DDX60L: variants seen among roughly 807,000 people sequenced by gnomAD.
DDX60L encodes probable ATP-dependent RNA helicase DDX60-like.
DDX60L carries 191 observed loss-of-function variants against 211.6 expected under a neutral mutation model. The observed-to-expected ratio is 0.90, with a 90% CI of 0.80 to 1.02. DDX60L has a LOEUF of 1.02. DDX60L is among the 50% of genes least tolerant of loss of function. The probability of loss-of-function intolerance (pLI) is 0.00; values close to 1 mark genes in which losing one functional copy is unlikely to be tolerated. For synonymous variants in DDX60L, 706 were observed against 694.1 expected (o/e 1.02, Z -0.27); for missense variants, 2,007 against 1,984.1 (o/e 1.01, Z -0.22).
intron 30 of DDX60L, among the ~76,000 whole-genome samples, chr4:168,381,279 C>G (rs991571160): frequency 6.6e-6 from 1 of 152,088 alleles, no homozygotes; most frequent in African/African-American, 2.4e-5. Context: ...GAAAAGTCCT[C>G]ACAGACATTT....
At chr4:168,373,436 G>C (rs1387742142) in intron 35 of DDX60L, among the ~76,000 whole-genome samples, 1 of 152,020 alleles carries the variant, frequency 6.6e-6, no homozygotes, top group Non-Finnish European at 1.5e-5. Context: ...AAAAAAATGA[G>C]AAAAAACAGT....
At chr4:168,404,837 T>C (rs1231594078) in intron 24 of DDX60L, among the ~76,000 whole-genome samples, 2 of 152,228 alleles carry the variant, frequency 1.3e-5, no homozygotes, top group Non-Finnish European at 2.9e-5. Flanking sequence ...GAAATAGTTA[T>C]GGCTATCATG....
chr4:168,443,901 C>T (rs190453274), intron 9 of DDX60L, among the ~76,000 whole-genome samples: 15 of 145,714 alleles, frequency 1.0e-4, no homozygotes, highest in East Asian at 2.0e-4. Context: ...AAGGAACAAC[C>T]GGTACCAGCC....
At chr4:168,466,815 T>C (rs985818187) in intron 4 of DDX60L, among the ~76,000 whole-genome samples, 4 of 152,232 alleles carry the variant, frequency 2.6e-5, no homozygotes, top group African/African-American at 9.6e-5. Context: ...TAAGCTATAG[T>C]TACAATCTGT....
At chr4:168,379,699 G>A in intron 31 of DDX60L, 27 bp downstream of exon 31, 1 of 1,572,712 alleles carries the variant, frequency 6.4e-7, no homozygotes, top group Non-Finnish European at 8.7e-7. Context: ...TAGTTACAGA[G>A]AACAAAAAGC....
intron 30 of DDX60L, among the ~76,000 whole-genome samples, chr4:168,384,249 A>C (rs1365193616): frequency 6.6e-6 from 1 of 152,156 alleles, no homozygotes; most frequent in Non-Finnish European, 1.5e-5. Context: ...GAACCCTAAT[A>C]CAGTGGGTGG....
intron 7 of DDX60L, among the ~76,000 whole-genome samples, chr4:168,455,700 C>T (rs1382354599): frequency 2.0e-5 from 3 of 152,170 alleles, no homozygotes; most frequent in African/African-American, 7.2e-5. Context: ...GTTTCTTTTC[C>T]TCTTCCTCCT....
At chr4:168,393,040 T>C (rs1745127593) in intron 28 of DDX60L, among the ~76,000 whole-genome samples, 1 of 152,244 alleles carries the variant, frequency 6.6e-6, no homozygotes, top group Admixed American at 6.5e-5. Context: ...TTGCCCATAA[T>C]TAATAACCTT....
At chr4:168,400,030 G>C (rs1018089514) in intron 26 of DDX60L, among the ~76,000 whole-genome samples, 2 of 151,784 alleles carry the variant, frequency 1.3e-5, no homozygotes, top group Non-Finnish European at 2.9e-5. Context: ...CTCCACCCTC[G>C]GATAGGCCCC....
chr4:168,409,671 G>T (rs571129524), intron 22 of DDX60L, among the ~76,000 whole-genome samples: 1 of 152,294 alleles, frequency 6.6e-6, no homozygotes, highest in East Asian at 1.9e-4. Flanking sequence ...CTTTAAGTGA[G>T]TTTTACATGC....
At chr4:168,447,770 C>T (rs926997386) in intron 9 of DDX60L, among the ~76,000 whole-genome samples, 34 of 151,124 alleles carry the variant, frequency 2.2e-4, no homozygotes, top group Non-Finnish European at 4.3e-4. Flanking sequence ...AGTAAACTAT[C>T]GCAAGATCAA....
At chr4:168,367,161 A>G (rs536062739) in intron 36 of DDX60L, among the ~76,000 whole-genome samples, 44 of 143,094 alleles carry the variant, frequency 3.1e-4, no homozygotes, top group Non-Finnish European at 5.4e-4. Context: ...AAAGACTTAA[A>G]TGTAAAACCT....
intron 29 of DDX60L, among the ~76,000 whole-genome samples, chr4:168,386,147 G>A (rs1427170941): frequency 6.6e-6 from 1 of 152,094 alleles, no homozygotes; most frequent in African/African-American, 2.4e-5. Context: ...AAATAGTTGA[G>A]CCCTGACTGG....
chr4:168,372,194 G>C (rs1199132459), intron 35 of DDX60L, among the ~76,000 whole-genome samples: 1 of 152,120 alleles, frequency 6.6e-6, no homozygotes, highest in East Asian at 1.9e-4. Flanking sequence ...GTGTCTCCCT[G>C]TGCTCACAGG....
chr4:168,449,651 G>GAAAAAAAAAAAAAAAAAAAA (rs1561098576), intron 8 of DDX60L, among the ~76,000 whole-genome samples: 4 of 7,502 alleles, frequency 5.3e-4, no homozygotes, highest in Middle Eastern at 0.056. Flanking sequence ...AAAAAAAAAT[G>GAAAAAAAAAAAAAAAAAAAA]CAAAAAAAAA....
At chr4:168,422,969 T>TGTGTGTGTGTG (rs55786043) in intron 15 of DDX60L, among the ~76,000 whole-genome samples, 27 of 132,964 alleles carry the variant, frequency 2.0e-4, no homozygotes, top group Non-Finnish European at 3.6e-4. Context: ...GTGGCTAATA[T>TGTGTGTGTGTG]TGTGTGTGTG....
intron 1 of DDX60L, among the ~76,000 whole-genome samples, chr4:168,478,018 A>T (rs1016576218): frequency 1.1e-4 from 17 of 152,080 alleles, no homozygotes; most frequent in Admixed American, 1.1e-3. Context: ...GCTCAAGGCC[A>T]AGAGTTGGAG....
At chr4:168,428,074 T>C (rs140036831) in intron 13 of DDX60L, among the ~76,000 whole-genome samples, 1 of 152,208 alleles carries the variant, frequency 6.6e-6, no homozygotes, top group Non-Finnish European at 1.5e-5. Flanking sequence ...CTCAGCTGGG[T>C]GAGGCCCTTG....
At chr4:168,404,416 G>A (rs1374103379) in intron 24 of DDX60L, among the ~76,000 whole-genome samples, 1 of 151,980 alleles carries the variant, frequency 6.6e-6, no homozygotes, top group Non-Finnish European at 1.5e-5. Flanking sequence ...CAGGAAGAGT[G>A]ACAAAGGGTT....
Sources: gnomAD v4.1 joint callset for allele counts (sites outside exome capture counted in the v4.1 genomes callset) on GRCh38, gnomAD v4.1.1 for gene constraint, MANE v1.5 for transcripts, NCBI Gene and HGNC (gene_info 2026-07-23, HGNC 2026-07-21) for gene names.